The following FGGY variants were observed in gnomAD, a reference collection of about 807,000 sequenced individuals.
FGGY encodes FGGY carbohydrate kinase domain-containing protein.
FGGY carries 72 observed loss-of-function variants against 71.3 expected under a neutral mutation model. The ratio of observed to expected loss-of-function variants is 1.01; its 90% CI spans 0.84 to 1.23. FGGY has a LOEUF of 1.23. Ranked by LOEUF, FGGY falls within the 50% of genes most tolerant of loss-of-function variation. The probability of loss-of-function intolerance (pLI) is 0.00; values close to 1 mark genes in which losing one functional copy is unlikely to be tolerated. For synonymous variants in FGGY, 251 were observed against 250.3 expected, an observed-to-expected ratio of 1.00 and a Z score of -0.02; for missense variants, 668 against 682.3, an observed-to-expected ratio of 0.98 and a Z score of 0.23.
rs768288661 is a variant in FGGY, at chr1:59,607,816, C to T, written c.917C>T (p.Pro306Leu). The change falls in exon 9 of 16, where the codon CCG becomes CTG. Residue 306 changes from proline to leucine, a missense_variant. Physicochemically the swap from Pro to Leu is moderately conservative, Grantham distance 98 (BLOSUM62 -3). This residue lies in a region of FGGY where 661 missense variants were observed against 661.6 expected (regional missense o/e 1.00). Coordinates refer to ENST00000303721, the MANE Select transcript of FGGY (RefSeq NM_018291.5). The part of the protein sequence containing the change: ...SSCHMGISKD[P>L]IFVPGVWGPY... The stretch of plus-strand genomic sequence containing the variant: ...CTTTCTTTCCAGATCAGCAAAGACC[C>T]GATTTTTGTACCAGGCGTCTGGGGG... 3.5e-5 allele frequency: 56 copies of T among 1,613,684 alleles called. No homozygotes were observed. The highest frequency in any genetic ancestry group is 1.6e-4 in the Middle Eastern group (1 of 6,082).
intron 1 of FGGY, among the ~76,000 whole-genome samples, chr1:59,307,146 C>CT (rs1484018099): frequency 6.6e-6 from 1 of 151,898 alleles, no homozygotes; most frequent in Non-Finnish European, 1.5e-5. Flanking sequence ...AAAACACCAT[C>CT]TCTATAAAAA....
At chr1:59,476,411 A>C (rs2093268456) in intron 6 of FGGY, among the ~76,000 whole-genome samples, 1 of 152,250 alleles carries the variant, frequency 6.6e-6, no homozygotes, top group Non-Finnish European at 1.5e-5. Flanking sequence ...GCTCAAGGTC[A>C]CACAGTAAGT....
intron 9 of FGGY, among the ~76,000 whole-genome samples, chr1:59,614,361 C>G (rs1396606246): frequency 6.6e-6 from 1 of 152,136 alleles, no homozygotes; most frequent in Non-Finnish European, 1.5e-5. Flanking sequence ...AATCAATAAA[C>G]GTAATCCTGC....
At chr1:59,374,656 A>G (rs1047602318) in intron 4 of FGGY, among the ~76,000 whole-genome samples, 1 of 152,092 alleles carries the variant, frequency 6.6e-6, no homozygotes, top group African/African-American at 2.4e-5. Context: ...AACCAACCCA[A>G]ATGTCCAACA....
chr1:59,523,924 A>T (rs1482102780), intron 7 of FGGY, among the ~76,000 whole-genome samples: 1 of 152,246 alleles, frequency 6.6e-6, no homozygotes, highest in East Asian at 1.9e-4. Context: ...CACTCTGCAG[A>T]GCTGGCTGGG....
chr1:59,394,360 C>T (rs74087426), intron 5 of FGGY, among the ~76,000 whole-genome samples: 1 of 152,086 alleles, frequency 6.6e-6, no homozygotes, highest in African/African-American at 2.4e-5. Flanking sequence ...CTACAAAATC[C>T]GAGAGCATCC....
At chr1:59,381,134 C>G (rs2059378892) in intron 5 of FGGY, among the ~76,000 whole-genome samples, 1 of 152,066 alleles carries the variant, frequency 6.6e-6, no homozygotes, top group Non-Finnish European at 1.5e-5. Context: ...GGGCTCTGTT[C>G]TTTTCCATTG....
chr1:59,329,263 T>G (rs1318083399), intron 2 of FGGY, among the ~76,000 whole-genome samples: 1 of 152,196 alleles, frequency 6.6e-6, no homozygotes, highest in African/African-American at 2.4e-5. Context: ...ACATAAATGT[T>G]TTGTTTGTGC....
intron 11 of FGGY, among the ~76,000 whole-genome samples, chr1:59,655,198 A>G (rs556090023): frequency 5.9e-5 from 9 of 152,330 alleles, no homozygotes; most frequent in African/African-American, 1.4e-4. Flanking sequence ...TGAGCCTTTC[A>G]TGCAATTCGA....
intron 5 of FGGY, among the ~76,000 whole-genome samples, chr1:59,405,484 T>G (rs1368774417): frequency 1.3e-5 from 2 of 152,234 alleles, no homozygotes; most frequent in Non-Finnish European, 2.9e-5. Flanking sequence ...AAAGGTGTTT[T>G]ATGGCTAGTA....
intron 5 of FGGY, among the ~76,000 whole-genome samples, chr1:59,399,213 C>G (rs2061657849): frequency 6.6e-6 from 1 of 152,106 alleles, no homozygotes; most frequent in African/African-American, 2.4e-5. Flanking sequence ...CTATTGTTTG[C>G]ATCGGTTTTA....
chr1:59,429,172 A>G (rs1036898031), intron 5 of FGGY, among the ~76,000 whole-genome samples: 2 of 152,212 alleles, frequency 1.3e-5, no homozygotes, highest in Non-Finnish European at 2.9e-5. Flanking sequence ...GTGATATGCC[A>G]AATAGATGAC....
intron 5 of FGGY, among the ~76,000 whole-genome samples, chr1:59,412,866 T>A (rs780775846): frequency 1.3e-5 from 2 of 152,166 alleles, no homozygotes; most frequent in Non-Finnish European, 2.9e-5. Context: ...GGTTACCACA[T>A]ACACTCTGAG....
intron 8 of FGGY, among the ~76,000 whole-genome samples, chr1:59,569,242 A>G (rs1398791643): frequency 6.6e-6 from 1 of 152,218 alleles, no homozygotes; most frequent in Admixed American, 6.5e-5. Context: ...TAAGAAAGAG[A>G]AAGATATGGT....
chr1:59,445,282 G>A (rs1013482959), intron 5 of FGGY, among the ~76,000 whole-genome samples: 7 of 152,146 alleles, frequency 4.6e-5, no homozygotes, highest in Admixed American at 3.9e-4. Context: ...CCAGCCCTGG[G>A]CACATGCAGT....
intron 7 of FGGY, among the ~76,000 whole-genome samples, chr1:59,547,455 A>T (rs1015834268): frequency 6.6e-6 from 1 of 152,226 alleles, no homozygotes; most frequent in African/African-American, 2.4e-5. Context: ...AGGATAAGGT[A>T]GAATTAGAGT....
chr1:59,462,527 CA>C (rs2092317951), intron 6 of FGGY, among the ~76,000 whole-genome samples: 1 of 152,116 alleles, frequency 6.6e-6, no homozygotes, highest in Non-Finnish European at 1.5e-5. Flanking sequence ...AGGCAACCCA[CA>C]AAATGGCAGA....
intron 8 of FGGY, among the ~76,000 whole-genome samples, chr1:59,560,664 A>G (rs2095775150): frequency 6.6e-6 from 1 of 152,166 alleles, no homozygotes; most frequent in Non-Finnish European, 1.5e-5. Context: ...CTAAGTGCTA[A>G]AAGTCTTCAT....
intron 14 of FGGY, among the ~76,000 whole-genome samples, chr1:59,750,820 G>A (rs116587815): frequency 1.3e-5 from 2 of 152,036 alleles, no homozygotes; most frequent in Non-Finnish European, 2.9e-5. Context: ...CCACACATTA[G>A]CATGTGAACT....
Sources: gnomAD v4.1 joint callset for allele counts (sites outside exome capture counted in the v4.1 genomes callset) on GRCh38, gnomAD v4.1.1 for gene constraint, gnomAD v4.1.1 regional missense constraint, MANE v1.5 for transcripts, NCBI Gene and HGNC (gene_info 2026-07-23, HGNC 2026-07-21) for gene names.